The following RUNX2 variants were observed in gnomAD, a reference collection of about 807,000 sequenced individuals.
RUNX2 encodes runt-related transcription factor 2.
A neutral mutation model predicts 51.7 loss-of-function variants in RUNX2; 10 were observed. The ratio of observed to expected loss-of-function variants is 0.19; its 90% CI spans 0.12 to 0.33. The LOEUF (loss-of-function observed/expected upper bound fraction) is 0.33, where lower values mean the gene tolerates loss of function less well. Among genes scored for constraint, RUNX2 ranks in the 10% least tolerant of loss-of-function variants. The pLI is 1.00. For synonymous variants in RUNX2, 276 were observed against 273.6 expected (o/e 1.01, Z -0.09); for missense variants, 562 against 691.3 (o/e 0.81, Z 2.10).
In RUNX2 at chr6:45,422,883, G is replaced by T. The variant is rs762474281; in HGVS notation, c.349G>T (p.Asp117Tyr). 1.2e-6 allele frequency: 2 copies of T among 1,612,654 alleles called. No homozygotes were observed. Among genetic ancestry groups the T allele is most frequent in the Admixed American group, 3.3e-5 (2 of 60,002 alleles). The change falls in exon 3 of 9, where the codon GAC becomes TAC. Residue 117 changes from aspartate (D) to tyrosine (Y), a missense_variant. Around this residue, in one of 5 missense-constraint regions of RUNX2, gnomAD observed 67 missense variants for 106.5 expected, o/e 0.63. Transcript: ENST00000647337. ...ADHPAELVRT[D>Y]SPNFLCSVLP... The stretch of plus-strand genomic sequence containing the variant: ...CCACCCGGCCGAACTCGTCCGCACC[G>T]ACAGCCCCAACTTCCTGTGCTCGGT...
rs115705241 is a variant in RUNX2, at chr6:45,344,525, G to A, written c.58+15741G>A. On this transcript the variant is annotated intron_variant, in intron 2 of 8. Transcript: ENST00000647337. The stretch of plus-strand genomic sequence containing the variant: ...CATATATGTACATTTTCCTTTGAAC[G>A]TCTAGAACAGTAACATTATCAATTA... Among the ~76,000 whole-genome samples the A allele has an allele frequency of 6.2e-3, 944 of 151,578 alleles. 16 individuals are homozygous for A. Among genetic ancestry groups the A allele is most frequent in the African/African-American group, 0.022 (890 of 41,286 alleles).
chr6:45,533,592 A>T (rs1801930387), intron 7 of RUNX2, among the ~76,000 whole-genome samples: 1 of 152,226 alleles, frequency 6.6e-6, no homozygotes, highest in Admixed American at 6.5e-5. Flanking sequence ...AGACTGTCAG[A>T]GGAACGAGTT....
At chr6:45,399,862 A>T in intron 2 of RUNX2, among the ~76,000 whole-genome samples, 1 of 134,174 alleles carries the variant, frequency 7.5e-6, no homozygotes, top group African/African-American at 2.8e-5. Flanking sequence ...AGGGAGGGAG[A>T]TTGAATATAA....
chr6:45,489,916 G>C (rs1426440553), intron 5 of RUNX2, among the ~76,000 whole-genome samples: 1 of 152,182 alleles, frequency 6.6e-6, no homozygotes, highest in African/African-American at 2.4e-5. Context: ...GCCAGCCTTG[G>C]CACCTCACTG....
chr6:45,416,988 C>A (rs1217300130), intron 2 of RUNX2, among the ~76,000 whole-genome samples: 1 of 152,068 alleles, frequency 6.6e-6, no homozygotes, highest in Non-Finnish European at 1.5e-5. Context: ...TACAGCCATG[C>A]AAATTATTAT....
At chr6:45,518,394 A>C (rs1473071149) in intron 7 of RUNX2, among the ~76,000 whole-genome samples, 1 of 152,168 alleles carries the variant, frequency 6.6e-6, no homozygotes, top group Non-Finnish European at 1.5e-5. Flanking sequence ...TTCCCTAAAA[A>C]TAGCCTATCT....
intron 6 of RUNX2, among the ~76,000 whole-genome samples, chr6:45,504,416 A>G (rs1247338877): frequency 3.3e-5 from 5 of 152,218 alleles, no homozygotes; most frequent in Admixed American, 3.3e-4. Context: ...CTCAGAGGCC[A>G]TAAATTATTC....
At chr6:45,389,078 T>C (rs1030052720) in intron 2 of RUNX2, among the ~76,000 whole-genome samples, 9 of 152,248 alleles carry the variant, frequency 5.9e-5, no homozygotes, top group Non-Finnish European at 1.3e-4. Flanking sequence ...AACCTTCGGC[T>C]TCTACTACTA....
intron 2 of RUNX2, among the ~76,000 whole-genome samples, chr6:45,378,145 G>T (rs904626919): frequency 7.2e-5 from 11 of 152,228 alleles, no homozygotes; most frequent in Admixed American, 5.2e-4. Flanking sequence ...GGCCTTCAGG[G>T]CCCGGCTTGG....
Position 45,328,436 on chromosome 6 carries a change from C to A in RUNX2, c.-91C>A. On this transcript the variant is annotated 5_prime_UTR_variant, in exon 1 of 9. Coordinates refer to ENST00000647337, the MANE Select transcript of RUNX2 (RefSeq NM_001024630.4). ...AATGGTTAATCTCCGCAGGTCACTA[C>A]CAGCCACCGAGACCAACAGAGTCAG... 1 of 1,450,882 alleles carries A rather than the reference C, an allele frequency of 6.9e-7. No individual in the cohort carries two copies. Among genetic ancestry groups the A allele is most frequent in the Non-Finnish European group, 9.3e-7 (1 of 1,077,436 alleles). The allele number at this position is 1,450,882 out of a possible 1,614,324, so 89.9% of individuals were successfully genotyped here. A position where few individuals can be genotyped will look rare whatever the true frequency, so the allele number is the denominator to read the frequency against.
intron 6 of RUNX2, among the ~76,000 whole-genome samples, chr6:45,493,889 G>A (rs1800562452): frequency 6.6e-6 from 1 of 151,990 alleles, no homozygotes; most frequent in South Asian, 2.1e-4. Context: ...CTTTTTAAAT[G>A]TTTGATTTCT....
At chr6:45,447,592 C>T (rs1477011073) in intron 5 of RUNX2, among the ~76,000 whole-genome samples, 1 of 152,176 alleles carries the variant, frequency 6.6e-6, no homozygotes, top group Non-Finnish European at 1.5e-5. Context: ...ATTCTTTAAA[C>T]TGCAGTCTCA....
rs9369565 is a variant in RUNX2 at position 45,506,953 on chromosome 6, G to T, written c.860-5293G>T. Among the ~76,000 whole-genome samples, 18 of 151,484 alleles carry T rather than the reference G, an allele frequency of 1.2e-4. No homozygotes were observed. The East Asian group carries it at 3.5e-3, about 29-fold the overall frequency. On this transcript the variant is annotated intron_variant, in intron 6 of 8. Coordinates refer to ENST00000647337, the MANE Select transcript of RUNX2 (RefSeq NM_001024630.4). ...TTCCAGGCCTGAGCCACCGTGCCTGGCAACAGTTTTCTTTCCTTTTTTTTT... is the reference window on the plus strand; with the variant it reads ...TTCCAGGCCTGAGCCACCGTGCCTGTCAACAGTTTTCTTTCCTTTTTTTTT...
intron 2 of RUNX2, among the ~76,000 whole-genome samples, chr6:45,376,782 A>AG (rs1172281872): frequency 6.6e-6 from 1 of 151,948 alleles, no homozygotes; most frequent in Non-Finnish European, 1.5e-5. Flanking sequence ...TTGCAGGGCG[A>AG]ATTTAATTCC....
intron 6 of RUNX2, among the ~76,000 whole-genome samples, chr6:45,502,337 G>C (rs1800821249): frequency 1.3e-5 from 2 of 152,000 alleles, no homozygotes; most frequent in African/African-American, 4.8e-5. Flanking sequence ...ATCAAAATAG[G>C]GTTCGGTAAT....
chr6:45,343,167 T>C lies in RUNX2; in HGVS notation c.58+14383T>C, dbSNP rs553829684. ...CTTAAGTCTAAACTCATACTCATAG[T>C]GTGGCTCACAAAACAGCAGAATCAG... is the stretch of plus-strand genomic sequence containing the variant. On this transcript the variant is annotated intron_variant, in intron 2 of 8. Coordinates refer to ENST00000647337, the MANE Select transcript of RUNX2 (RefSeq NM_001024630.4). Among the ~76,000 whole-genome samples, 30 of 152,328 alleles carry C rather than the reference T, an allele frequency of 2.0e-4. No homozygotes were observed. In the South Asian group the frequency reaches 6.0e-3, roughly 30 times the overall value.
At chr6:45,457,870 T>C (rs1047286364) in intron 5 of RUNX2, among the ~76,000 whole-genome samples, 2 of 152,084 alleles carry the variant, frequency 1.3e-5, no homozygotes, top group Non-Finnish European at 2.9e-5. Flanking sequence ...TTAAAAGCTT[T>C]GTGAAAAGTG....
intron 2 of RUNX2, among the ~76,000 whole-genome samples, chr6:45,412,978 T>G (rs1797983526): frequency 6.6e-6 from 1 of 152,170 alleles, no homozygotes; most frequent in Non-Finnish European, 1.5e-5. Flanking sequence ...TTCAAACTCC[T>G]GGCCTCAAGT....
intron 6 of RUNX2, 127 bp from the exon 7 acceptor site, chr6:45,512,117 TTA>T (rs546741548): frequency 3.5e-5 from 26 of 750,810 alleles, no homozygotes; most frequent in Admixed American, 4.7e-5. Context: ...TCCTTATATA[TTA>T]TATATATATA....
Sources: gnomAD v4.1 joint callset for allele counts (sites outside exome capture counted in the v4.1 genomes callset) on GRCh38, gnomAD v4.1.1 for gene constraint, gnomAD v4.1.1 regional missense constraint, MANE v1.5 for transcripts, NCBI Gene and HGNC (gene_info 2026-07-23, HGNC 2026-07-21) for gene names.